Variants in ZBTB40 observed in about 807,000 individuals in gnomAD.
ZBTB40 encodes the protein zinc finger and BTB domain-containing protein 40.
ZBTB40 carries 60 observed loss-of-function variants against 117.5 expected under a neutral mutation model. The observed-to-expected ratio is 0.51, with a 90% CI of 0.41 to 0.63. ZBTB40 has a LOEUF of 0.63. Among genes scored for constraint, ZBTB40 ranks in the 30% least tolerant of loss-of-function variants. ZBTB40 has a pLI of 0.00. For synonymous variants in ZBTB40, 525 were observed against 577.1 expected, an observed-to-expected ratio of 0.91 and a Z score of 1.29; for missense variants, 1,287 against 1,498.5, an observed-to-expected ratio of 0.86 and a Z score of 2.33.
At chr1:22,495,590 C>T (rs1389399049) in intron 3 of ZBTB40, among the ~76,000 whole-genome samples, 1 of 152,090 alleles carries the variant, frequency 6.6e-6, no homozygotes, top group Non-Finnish European at 1.5e-5. Context: ...CAGTTCACTG[C>T]AACCTCCACC....
chr1:22,445,158 T>C (rs550230397), intron 1 of ZBTB40, among the ~76,000 whole-genome samples: 12 of 152,230 alleles, frequency 7.9e-5, no homozygotes, highest in Non-Finnish European at 1.2e-4. Context: ...GCCCTGCTCA[T>C]GTCTGACAAA....
chr1:22,481,441 C>T (rs541567042), intron 1 of ZBTB40, among the ~76,000 whole-genome samples: 2 of 152,004 alleles, frequency 1.3e-5, no homozygotes, highest in Non-Finnish European at 2.9e-5. Context: ...TATTGGTAAG[C>T]CAGATAATTA....
intron 3 of ZBTB40, 50 bp from the exon 4 acceptor site, chr1:22,501,442 T>C (rs759183044): frequency 1.2e-6 from 2 of 1,604,972 alleles, no homozygotes; most frequent in Non-Finnish European, 1.7e-6. Context: ...AAGGAGCGGA[T>C]GGTTCTTGTG....
chr1:22,519,769 G>C (rs1569885556), intron 13 of ZBTB40: 1 of 443,832 alleles, frequency 2.3e-6, no homozygotes, highest in East Asian at 4.7e-5. Flanking sequence ...GTGATAAAGT[G>C]TAATTTAACT....
intron 1 of ZBTB40, among the ~76,000 whole-genome samples, chr1:22,459,501 A>G (rs561323981): frequency 2.6e-5 from 4 of 152,254 alleles, no homozygotes; most frequent in Admixed American, 6.5e-5. Flanking sequence ...TTTATTGAAT[A>G]CTAAGCCTTT....
intron 1 of ZBTB40, among the ~76,000 whole-genome samples, chr1:22,484,674 C>T (rs1638417935): frequency 6.6e-6 from 1 of 152,188 alleles, no homozygotes; most frequent in Non-Finnish European, 1.5e-5. Flanking sequence ...ACTTCCAGTA[C>T]AGTGTTTAAG....
chr1:22,509,341 CT>C (rs1210170054), intron 9 of ZBTB40, 108 bp downstream of exon 9: 149 of 1,480,976 alleles, frequency 1.0e-4, no homozygotes, highest in Admixed American at 1.7e-4. Context: ...GTTTTTCCTT[CT>C]TTTTTTTTCC....
At chr1:22,450,187 C>T (rs949151015), upstream of ZBTB40, among the ~76,000 whole-genome samples, 3 of 152,122 alleles carry the variant, frequency 2.0e-5, no homozygotes, top group East Asian at 1.9e-4. Flanking sequence ...TCAGGTGATC[C>T]GCCTGCCTCG....
rs1457677645 is a variant in ZBTB40 at position 22,513,745 on chromosome 1, C to T, written c.2668+615C>T. On this transcript the variant is annotated intron_variant, in intron 12 of 17. Transcript: ENST00000375647. The surrounding 1 kb of genome is among the most constrained non-coding windows in gnomAD (Gnocchi z 4.9). ...AATAAAATTAAAAAACAATGCACAA[C>T]CTCTAGGCAAACAGACGACTGGGAA... 6.6e-6 allele frequency among the ~76,000 whole-genome samples: 1 copy of T among 152,074 alleles called. No individual in the cohort carries two copies. The highest frequency in any genetic ancestry group is 1.9e-4 in the East Asian group (1 of 5,196).
rs1016781480 is a variant in ZBTB40 at position 22,508,671 on chromosome 1, T to A, written c.1639T>A (p.Leu547Met). Residue 547 changes from leucine (L) to methionine (M), a missense_variant, in exon 8 of 18, where the codon TTG becomes ATG. By Grantham distance (15) the Leu-to-Met change is conservative. Coordinates refer to ENST00000375647, the MANE Select transcript of ZBTB40 (RefSeq NM_014870.4). ...LVVQETKTCP[L>M]DLLMEEIRRE... ...GGTTCAGGAGACAAAGACCTGTCCATTGGACCTGCTCATGGAGGAAATACG... is the reference window on the plus strand; with the variant it reads ...GGTTCAGGAGACAAAGACCTGTCCAATGGACCTGCTCATGGAGGAAATACG... The A allele has an allele frequency of 6.2e-6, 10 of 1,614,080 alleles. No homozygotes were observed. The highest frequency in any genetic ancestry group is 7.6e-6 in the Non-Finnish European group (9 of 1,180,040).
chr1:22,520,009 T>C, intron 13 of ZBTB40, 52 bp from the exon 14 acceptor site: 1 of 1,516,242 alleles, frequency 6.6e-7, no homozygotes, highest in Non-Finnish European at 9.2e-7. Context: ...CTGCCTATGG[T>C]GTTTTCTTTT....
chr1:22,444,253 A>AATAT (rs1199182745), intron 1 of ZBTB40, among the ~76,000 whole-genome samples: 1 of 151,688 alleles, frequency 6.6e-6, no homozygotes, highest in South Asian at 2.1e-4. Flanking sequence ...CTCTACTAAA[A>AATAT]ATATATATAT....
chr1:22,482,781 T>C (rs528428877), intron 1 of ZBTB40, among the ~76,000 whole-genome samples: 25 of 152,194 alleles, frequency 1.6e-4, no homozygotes, highest in African/African-American at 4.8e-4. Flanking sequence ...CTTAGAAATA[T>C]GCATTTAAGG....
intron 1 of ZBTB40, among the ~76,000 whole-genome samples, chr1:22,429,037 C>G (rs1035578141): frequency 3.9e-5 from 6 of 152,190 alleles, no homozygotes; most frequent in African/African-American, 7.2e-5. Flanking sequence ...CTAACTGATA[C>G]AAGCAAAAGT....
chr1:22,478,487 T>C (rs574177479), intron 1 of ZBTB40, among the ~76,000 whole-genome samples: 2 of 152,306 alleles, frequency 1.3e-5, no homozygotes, highest in East Asian at 3.9e-4. Flanking sequence ...GACCTCGTGA[T>C]CTGCCCACCT....
intron 6 of ZBTB40, among the ~76,000 whole-genome samples, chr1:22,507,078 T>C (rs538573728): frequency 1.3e-5 from 2 of 152,358 alleles, no homozygotes; most frequent in South Asian, 2.1e-4. Flanking sequence ...GTATTATTCA[T>C]GCCCTTATTT....
In ZBTB40 at chr1:22,512,964, G is replaced by A; in HGVS notation, c.2502G>A (p.Lys834=). The change falls in exon 12 of 18, where the codon AAG becomes AAA. Residue 834 remains lysine, a synonymous_variant. Transcript: ENST00000375647. ...AGCTGACAGAGCACTTCGATGAGAAGCCTTTCTCCTGTGAAGAGTGTGGGG... is the reference window on the plus strand; with the variant it reads ...AGCTGACAGAGCACTTCGATGAGAAACCTTTCTCCTGTGAAGAGTGTGGGG... The part of the protein sequence containing the change: ...YHKLTEHFDE[K]PFSCEECGAK... The A allele has an allele frequency of 6.2e-7, 1 of 1,614,206 alleles. No homozygotes were observed.
Position 22,515,788 on chromosome 1 carries a change from T to C in ZBTB40, c.2669-1512T>C, listed in dbSNP as rs560889205. Among the ~76,000 whole-genome samples, 4 of 152,340 alleles carry C rather than the reference T, an allele frequency of 2.6e-5. No homozygotes were observed. The East Asian group carries it at 7.7e-4, about 29-fold the overall frequency. ...TTGAGGAATTAGGACATGGACATCT[T>C]TGGGGGCCATTATCCCGCCTACCAC... On this transcript the variant is annotated intron_variant, in intron 12 of 17. Coordinates refer to ENST00000375647, the MANE Select transcript of ZBTB40 (RefSeq NM_014870.4).
At chr1:22,478,991 C>T (rs1366918759) in intron 1 of ZBTB40, among the ~76,000 whole-genome samples, 1 of 152,124 alleles carries the variant, frequency 6.6e-6, no homozygotes, top group Non-Finnish European at 1.5e-5. Context: ...TGGTTTTTAT[C>T]ATGGTAGATT....
Sources: allele counts gnomAD v4.1 joint callset (sites outside exome capture counted in the v4.1 genomes callset), GRCh38; gene constraint gnomAD v4.1.1; non-coding constraint Gnocchi (gnomAD v3.1); transcripts MANE v1.5; gene names NCBI Gene and HGNC (gene_info 2026-07-23, HGNC 2026-07-21).